The following SUCLG2 variants were observed in gnomAD, a reference collection of about 807,000 sequenced individuals.
The protein encoded by SUCLG2 is succinate--CoA ligase [GDP-forming] subunit beta, mitochondrial.
Under a neutral mutation model 47.9 loss-of-function variants are expected in SUCLG2, and 42 were observed. The observed-to-expected ratio is 0.88, with a 90% CI of 0.69 to 1.14. SUCLG2 has a LOEUF of 1.14. SUCLG2 is among the 50% of genes most tolerant of loss of function. The pLI is 0.00. For missense variants in SUCLG2, 571 were observed against 525.9 expected, an observed-to-expected ratio of 1.09 and a Z score of -0.84; for synonymous variants, 195 against 197.3, an observed-to-expected ratio of 0.99 and a Z score of 0.10.
At chr3:67,393,525 G>C (rs1002415297) in intron 10 of SUCLG2, among the ~76,000 whole-genome samples, 2 of 152,334 alleles carry the variant, frequency 1.3e-5, no homozygotes, top group African/African-American at 2.4e-5. Context: ...CAGGAAGCTC[G>C]AACTGGGTGG....
intron 9 of SUCLG2, among the ~76,000 whole-genome samples, chr3:67,416,081 A>G (rs771591991): frequency 2.6e-5 from 4 of 152,208 alleles, no homozygotes; most frequent in Non-Finnish European, 5.9e-5. Context: ...CTCTAGCCCC[A>G]GTCAATCAAG....
At chr3:67,454,878 C>T (rs1018791133) in intron 9 of SUCLG2, among the ~76,000 whole-genome samples, 4 of 148,368 alleles carry the variant, frequency 2.7e-5, no homozygotes, top group African/African-American at 5.0e-5. Flanking sequence ...AGGAGAATGG[C>T]GTGAACCTGG....
intron 7 of SUCLG2, among the ~76,000 whole-genome samples, chr3:67,502,376 C>G (rs1288206339): frequency 1.3e-5 from 2 of 152,162 alleles, no homozygotes; most frequent in Non-Finnish European, 2.9e-5. Context: ...TTGAACCTGA[C>G]CACTTAATAT....
At chr3:67,620,932 T>C (rs1181329697) in intron 1 of SUCLG2, among the ~76,000 whole-genome samples, 1 of 152,186 alleles carries the variant, frequency 6.6e-6, no homozygotes, top group Non-Finnish European at 1.5e-5. Flanking sequence ...AACAGGGAAG[T>C]GAGAAGATCA....
At chr3:67,537,672 T>G (rs531386194) in intron 2 of SUCLG2, among the ~76,000 whole-genome samples, 1 of 152,234 alleles carries the variant, frequency 6.6e-6, no homozygotes, top group Non-Finnish European at 1.5e-5. Flanking sequence ...GTTGAACTAA[T>G]TTACACTCCC....
At chr3:67,609,403 G>A (rs1700487799) in intron 2 of SUCLG2, 52 bp downstream of exon 2, 4 of 1,579,496 alleles carry the variant, frequency 2.5e-6, no homozygotes, top group African/African-American at 1.4e-5. Flanking sequence ...GCCACTACCT[G>A]TGAATTCACT....
intron 2 of SUCLG2, among the ~76,000 whole-genome samples, chr3:67,589,370 G>GT (rs1170056416): frequency 6.6e-6 from 1 of 152,140 alleles, no homozygotes; most frequent in Non-Finnish European, 1.5e-5. Context: ...CCTTACTCCA[G>GT]TTATATCTCC....
chr3:67,586,139 T>C (rs1032715692), intron 2 of SUCLG2, among the ~76,000 whole-genome samples: 6 of 152,190 alleles, frequency 3.9e-5, no homozygotes, highest in Non-Finnish European at 8.8e-5. Context: ...AATAGCATGC[T>C]ACTTCCAAAA....
intron 9 of SUCLG2, among the ~76,000 whole-genome samples, chr3:67,471,795 C>G (rs1396787201): frequency 6.6e-6 from 1 of 152,106 alleles, no homozygotes; most frequent in Non-Finnish European, 1.5e-5. Context: ...CCCAGCAGCT[C>G]CACTCACCAA....
intron 9 of SUCLG2, among the ~76,000 whole-genome samples, chr3:67,437,969 A>G (rs1288285523): frequency 6.6e-6 from 1 of 152,116 alleles, no homozygotes; most frequent in Non-Finnish European, 1.5e-5. Context: ...TTAGTGACTC[A>G]CTTCTAGTGA....
chr3:67,572,500 C>T (rs9851783), intron 2 of SUCLG2, among the ~76,000 whole-genome samples: 3,661 of 152,252 alleles, frequency 0.024, 121 homozygotes, highest in African/African-American at 0.077. Flanking sequence ...TTCTTACAAA[C>T]ATATATGCAG....
chr3:67,493,432 C>A (rs1041782247), intron 9 of SUCLG2, among the ~76,000 whole-genome samples: 3 of 152,122 alleles, frequency 2.0e-5, no homozygotes, highest in Non-Finnish European at 4.4e-5. Flanking sequence ...ATAATCCAAG[C>A]ATTTGAAAAT....
intron 1 of SUCLG2, among the ~76,000 whole-genome samples, chr3:67,619,596 G>C (rs768766629): frequency 6.6e-6 from 1 of 152,226 alleles, no homozygotes; most frequent in Non-Finnish European, 1.5e-5. Flanking sequence ...GTGTGAAAGA[G>C]AGGTTGCTGG....
chr3:67,386,190 G>A lies in SUCLG2; in HGVS notation c.1184-10331C>T, dbSNP rs112802087. ...TGCAAGCTCCGCCTCCCAGGTTCAC[G>A]CCATTCTCCTGCCTCAGCCTCCCAA... On this transcript the variant is annotated intron_variant, in intron 10 of 10. Transcript: ENST00000307227. Among the ~76,000 whole-genome samples, 974 of 151,970 alleles carry A rather than the reference G, an allele frequency of 6.4e-3. 11 individuals carry two copies. Among genetic ancestry groups the A allele is most frequent in the African/African-American group, 0.023 (937 of 41,446 alleles).
intron 2 of SUCLG2, among the ~76,000 whole-genome samples, chr3:67,568,503 T>C (rs1707525788): frequency 6.6e-6 from 1 of 152,206 alleles, no homozygotes; most frequent in South Asian, 2.1e-4. Flanking sequence ...GTGGCATCTT[T>C]TTAAAAGAAA....
chr3:67,546,391 A>G (rs1357699846), intron 2 of SUCLG2, among the ~76,000 whole-genome samples: 1 of 152,174 alleles, frequency 6.6e-6, no homozygotes. Context: ...GCAGTCCTAC[A>G]GGAGGATACC....
intron 1 of SUCLG2, among the ~76,000 whole-genome samples, chr3:67,640,304 T>A (rs940611874): frequency 6.6e-5 from 10 of 152,214 alleles, no homozygotes; most frequent in Non-Finnish European, 1.2e-4. Context: ...GTTAAGCATG[T>A]ATCTGGCACA....
chr3:67,478,424 G>T lies in SUCLG2; in HGVS notation c.1062+17374C>A, dbSNP rs187685474. Among the ~76,000 whole-genome samples, 282 of 152,334 alleles carry T rather than the reference G, an allele frequency of 1.9e-3. 2 individuals are homozygous for T. Among genetic ancestry groups the T allele is most frequent in the Admixed American group, 0.015 (233 of 15,298 alleles). On this transcript the variant is annotated intron_variant, in intron 9 of 10. Transcript: ENST00000307227. ...ACTGAACAGACCTCTGTCTGTCATT[G>T]AAGTGCAAGCTCTCAATCAACATAT...
At chr3:67,468,407 T>A (rs1704526325) in intron 9 of SUCLG2, among the ~76,000 whole-genome samples, 1 of 152,124 alleles carries the variant, frequency 6.6e-6, no homozygotes, top group African/African-American at 2.4e-5. Flanking sequence ...TCCATCCAGC[T>A]CCTTGAACCT....
Sources: allele counts gnomAD v4.1 joint callset (sites outside exome capture counted in the v4.1 genomes callset), GRCh38; gene constraint gnomAD v4.1.1; transcripts MANE v1.5; gene names NCBI Gene and HGNC (gene_info 2026-07-23, HGNC 2026-07-21).